PINX1: variants seen among roughly 807,000 people sequenced by gnomAD.
PINX1 encodes PIN2 (TERF1) interacting telomerase inhibitor 1.
Under a neutral mutation model 25.4 loss-of-function variants are expected in PINX1, and 34 were observed. The ratio of observed to expected loss-of-function variants is 1.34; its 90% CI spans 1.02 to 1.78. PINX1 has a LOEUF of 1.78. Ranked by LOEUF, PINX1 falls within the 40% of genes most tolerant of loss-of-function variation. The pLI is 0.00. For synonymous variants in PINX1, 197 were observed against 147.7 expected, an observed-to-expected ratio of 1.33 and a Z score of -2.42; for missense variants, 592 against 404.9, an observed-to-expected ratio of 1.46 and a Z score of -3.97.
chr8:10,827,671 C>A (rs1030139746), intron 4 of PINX1, among the ~76,000 whole-genome samples: 3 of 151,838 alleles, frequency 2.0e-5, no homozygotes. Context: ...CTTTGGTAGG[C>A]CGCAGCAGGC....
chr8:10,765,538 G>C lies in PINX1; in HGVS notation c.850C>G (p.Pro284Ala), dbSNP rs1383429092. The C allele has an allele frequency of 1.9e-6, 3 of 1,613,750 alleles. No homozygotes were observed. Among genetic ancestry groups the C allele is most frequent in the Admixed American group, 1.7e-5 (1 of 60,034 alleles). The change falls in exon 7 of 7, where the codon CCT (proline) becomes GCT (alanine). Residue 284 changes from proline (P) to alanine (A), a missense_variant. Coordinates refer to ENST00000314787, the MANE Select transcript of PINX1 (RefSeq NM_017884.6). ...TTCAGGGTGAAGTCCCGGCCCTCAG[G>C]CGGCTGCACATGGTCCCCTGCATCC... Reference protein sequence around the residue: ...AQDAGDHVQPPEGRDFTLKPK... With the variant: ...AQDAGDHVQPAEGRDFTLKPK...
intron 4 of PINX1, among the ~76,000 whole-genome samples, chr8:10,828,181 G>C (rs1242426886): frequency 1.3e-5 from 2 of 152,160 alleles, no homozygotes. Context: ...TCCACAAGCT[G>C]AAACATTCTC....
At chr8:10,792,023 C>G (rs1334056600) in intron 6 of PINX1, among the ~76,000 whole-genome samples, 1 of 152,182 alleles carries the variant, frequency 6.6e-6, no homozygotes, top group Non-Finnish European at 1.5e-5. Context: ...GGACCGCCCC[C>G]TCTCTCCCGC....
chr8:10,832,337 G>C (rs1241520237), intron 3 of PINX1, among the ~76,000 whole-genome samples: 1 of 152,090 alleles, frequency 6.6e-6, no homozygotes, highest in African/African-American at 2.4e-5. Context: ...CAAACCAGTG[G>C]GAAGCAGGGT....
At chr8:10,835,749 C>A (rs1335332826) in intron 1 of PINX1, among the ~76,000 whole-genome samples, 16 of 148,392 alleles carry the variant, frequency 1.1e-4, no homozygotes, top group African/African-American at 3.8e-4. Flanking sequence ...ATGGAATAAA[C>A]GATAAAAATG....
intron 6 of PINX1, among the ~76,000 whole-genome samples, chr8:10,786,031 GGAGGCA>G: frequency 6.6e-6 from 1 of 152,152 alleles, no homozygotes; most frequent in East Asian, 1.9e-4. Context: ...TGAGTAAAAG[GGAGGCA>G]GTCACTTTCC....
intron 5 of PINX1, among the ~76,000 whole-genome samples, chr8:10,822,652 T>C (rs553809035): frequency 6.6e-6 from 1 of 152,328 alleles, no homozygotes; most frequent in East Asian, 1.9e-4. Context: ...GTCAGACACA[T>C]TTACAATACC....
intron 6 of PINX1, 68 bp from the exon 7 acceptor site, chr8:10,765,984 G>A: frequency 6.7e-7 from 1 of 1,501,380 alleles, no homozygotes; most frequent in Non-Finnish European, 9.0e-7. Context: ...CACCCAGGAG[G>A]CACCCACACC....
chr8:10,834,841 C>T lies in PINX1; in HGVS notation c.20-66G>A, dbSNP rs1415408319. 21 of 1,083,360 alleles carry T rather than the reference C, an allele frequency of 1.9e-5. 1 individual carries two copies. The highest frequency in any genetic ancestry group is 2.6e-5 in the Non-Finnish European group (19 of 720,444). The allele number at this position is 1,083,360 out of a possible 1,614,324, so 67.1% of individuals were successfully genotyped here. A position where few individuals can be genotyped will look rare whatever the true frequency, so the allele number is the denominator to read the frequency against. On this transcript the variant is annotated intron_variant, in intron 1 of 6. Transcript: ENST00000314787. ...ACCCGGAAAATACCACACAAACATA[C>T]ACATGCACAACTTTGTGTATTTTAT...
chr8:10,814,719 C>T (rs1370077305), intron 6 of PINX1, among the ~76,000 whole-genome samples: 1 of 152,152 alleles, frequency 6.6e-6, no homozygotes, highest in Non-Finnish European at 1.5e-5. Context: ...AACCATGATG[C>T]TATACAAACC....
intron 6 of PINX1, among the ~76,000 whole-genome samples, chr8:10,791,216 TC>T (rs958863918): frequency 4.2e-4 from 63 of 151,798 alleles, no homozygotes; most frequent in Non-Finnish European, 8.4e-4. Flanking sequence ...CCAGCCAAAA[TC>T]CCCCCTTTTT....
chr8:10,804,251 G>C (rs938869670), intron 6 of PINX1, among the ~76,000 whole-genome samples: 3 of 152,152 alleles, frequency 2.0e-5, no homozygotes, highest in African/African-American at 7.2e-5. Context: ...TAGCCGCCGG[G>C]GGCAGTGACT....
chr8:10,811,474 T>C (rs956786647), intron 6 of PINX1, among the ~76,000 whole-genome samples: 1 of 152,216 alleles, frequency 6.6e-6, no homozygotes, highest in African/African-American at 2.4e-5. Context: ...ATTTCATTTA[T>C]CTACACAATA....
intron 4 of PINX1, among the ~76,000 whole-genome samples, chr8:10,827,665 G>C (rs997271862): frequency 6.6e-6 from 1 of 151,680 alleles, no homozygotes; most frequent in Admixed American, 6.6e-5. Context: ...CCAGCACTTT[G>C]GTAGGCCGCA....
intron 5 of PINX1, among the ~76,000 whole-genome samples, chr8:10,823,188 G>A (rs1212961339): frequency 1.3e-5 from 2 of 152,174 alleles, no homozygotes; most frequent in African/African-American, 2.4e-5. Flanking sequence ...GGCTGACTGC[G>A]CTGTGAATAC....
At chr8:10,766,064 G>A (rs1030144728) in intron 6 of PINX1, 148 bp from the exon 7 acceptor site, 1 of 748,680 alleles carries the variant, frequency 1.3e-6, no homozygotes, top group Non-Finnish European at 2.2e-6. Context: ...TAGGAGACAA[G>A]GCTGAGTGAC....
At chr8:10,770,956 G>T (rs1354784534) in intron 6 of PINX1, among the ~76,000 whole-genome samples, 1 of 152,168 alleles carries the variant, frequency 6.6e-6, no homozygotes, top group Non-Finnish European at 1.5e-5. Context: ...TAGACTCCCA[G>T]AGATCAAGGG....
At chr8:10,793,309 T>C (rs749797456) in intron 6 of PINX1, among the ~76,000 whole-genome samples, 2 of 152,228 alleles carry the variant, frequency 1.3e-5, no homozygotes, top group African/African-American at 2.4e-5. Context: ...CCAAGAGTTA[T>C]GCTCCTGAGC....
Position 10,765,878 on chromosome 8 carries a change from G to A in PINX1, c.510C>T (p.Thr170=), listed in dbSNP as rs758290697. Residue 170 remains threonine (T), a synonymous_variant, in exon 7 of 7, where the codon ACC becomes ACT. Coordinates refer to ENST00000314787, the MANE Select transcript of PINX1 (RefSeq NM_017884.6). ...GGATGGTGAAGGCGCTGGTTGTCGT[G>A]GTTTCGTTCTCCTCTGGAGTGGAGG... is the stretch of plus-strand genomic sequence containing the variant. ...ASPSTPEENE[T]TTTSAFTIQE... 1.2e-6 allele frequency: 2 copies of A among 1,613,872 alleles called. No individual in the cohort carries two copies. Among genetic ancestry groups the A allele is most frequent in the Admixed American group, 3.3e-5 (2 of 60,026 alleles).
Sources: gnomAD v4.1 joint callset for allele counts (sites outside exome capture counted in the v4.1 genomes callset) on GRCh38, gnomAD v4.1.1 for gene constraint, MANE v1.5 for transcripts, NCBI Gene and HGNC (gene_info 2026-07-23, HGNC 2026-07-21) for gene names.